FBLN5: variants seen among roughly 807,000 people sequenced by gnomAD.
The protein encoded by FBLN5 is fibulin 5, also known as fibulin-5.
FBLN5 carries 24 observed loss-of-function variants against 61.6 expected under a neutral mutation model. That is an observed-to-expected ratio of 0.39 (90% confidence interval 0.28 to 0.55). The LOEUF (loss-of-function observed/expected upper bound fraction) is 0.55. Ranked by LOEUF, FBLN5 falls within the 20% of genes least tolerant of loss-of-function variation. The pLI, the probability that FBLN5 is intolerant of heterozygous loss-of-function variation, is 0.65. For synonymous variants in FBLN5, 213 were observed against 219.8 expected (o/e 0.97, Z 0.27); for missense variants, 470 against 594.1 (o/e 0.79, Z 2.17).
intron 9 of FBLN5, among the ~76,000 whole-genome samples, chr14:91,879,571 G>A (rs200050235): frequency 2.3e-4 from 3 of 12,982 alleles, no homozygotes; most frequent in Admixed American, 1.5e-3. Context: ...AGCCACAGAC[G>A]GGGTGGCCTG....
intron 9 of FBLN5, among the ~76,000 whole-genome samples, chr14:91,878,237 T>C (rs1007595288): frequency 6.6e-5 from 10 of 152,204 alleles, no homozygotes; most frequent in African/African-American, 2.2e-4. Flanking sequence ...AGATGTGACA[T>C]TGGACATTTT....
At chr14:91,894,729 T>C (rs1359228581) in intron 5 of FBLN5, among the ~76,000 whole-genome samples, 1 of 151,984 alleles carries the variant, frequency 6.6e-6, no homozygotes, top group Non-Finnish European at 1.5e-5. Flanking sequence ...CAAAAATAAA[T>C]AAATACATTC....
intron 4 of FBLN5, among the ~76,000 whole-genome samples, chr14:91,908,823 C>T (rs147364249): frequency 7.2e-5 from 11 of 152,216 alleles, no homozygotes; most frequent in African/African-American, 2.4e-4. Flanking sequence ...CAATGGTGTA[C>T]ATAAGAGTGT....
chr14:91,919,550 G>A (rs532690230), intron 4 of FBLN5, among the ~76,000 whole-genome samples: 1 of 152,202 alleles, frequency 6.6e-6, no homozygotes, highest in Non-Finnish European at 1.5e-5. Flanking sequence ...CTAACCCCCA[G>A]TACCTCAGAA....
rs2140057257 is a variant in FBLN5, at chr14:91,943,725, G to C, written c.18-764C>G. Among the ~76,000 whole-genome samples, 1 of 152,302 alleles carries C rather than the reference G, an allele frequency of 6.6e-6. No individual in the cohort carries two copies. Among genetic ancestry groups the C allele is most frequent in the East Asian group, 1.9e-4 (1 of 5,182 alleles). On this transcript the variant is annotated intron_variant, in intron 1 of 10. Transcript: ENST00000342058. The surrounding 1 kb of genome is among the most constrained non-coding windows in gnomAD (Gnocchi z 4.0). ...GCACCAAAGAAAGGTGTCACAGGAAGTCACTGAACCAGAGCATTGAGTCCA... is the reference window on the plus strand; with the variant it reads ...GCACCAAAGAAAGGTGTCACAGGAACTCACTGAACCAGAGCATTGAGTCCA...
At chr14:91,881,194 A>G (rs1473725685) in intron 9 of FBLN5, 98 bp downstream of exon 9, 2 of 1,397,770 alleles carry the variant, frequency 1.4e-6, no homozygotes, top group Non-Finnish European at 1.0e-6. Context: ...AGGTCCCCTC[A>G]CTTCCTGGCT....
intron 4 of FBLN5, among the ~76,000 whole-genome samples, chr14:91,917,086 G>C (rs1186642155): frequency 6.6e-6 from 1 of 152,160 alleles, no homozygotes; most frequent in Non-Finnish European, 1.5e-5. Flanking sequence ...AATCTCTCTG[G>C]GTTGTTAAAC....
chr14:91,872,519 C>G (rs759217483), intron 10 of FBLN5, among the ~76,000 whole-genome samples: 2 of 152,202 alleles, frequency 1.3e-5, no homozygotes, highest in Non-Finnish European at 2.9e-5. Flanking sequence ...GATGTTTTAT[C>G]TGTCTCCATA....
intron 1 of FBLN5, among the ~76,000 whole-genome samples, chr14:91,944,516 G>A (rs1456281108): frequency 6.6e-6 from 1 of 152,224 alleles, no homozygotes; most frequent in African/African-American, 2.4e-5. Flanking sequence ...TGTGTTCATA[G>A]CAGCATTATT....
chr14:91,896,301 T>C (rs564941779), intron 4 of FBLN5, among the ~76,000 whole-genome samples: 2 of 152,324 alleles, frequency 1.3e-5, no homozygotes, highest in East Asian at 3.9e-4. Flanking sequence ...CCACGGTGCC[T>C]CCTGGATCTG....
At chr14:91,933,487 C>T (rs1267491139) in intron 4 of FBLN5, among the ~76,000 whole-genome samples, 2 of 152,006 alleles carry the variant, frequency 1.3e-5, no homozygotes, top group Non-Finnish European at 2.9e-5. Flanking sequence ...AGGCTGGTCT[C>T]GAACTCCTGA....
At chr14:91,890,041 C>T (rs542762245) in intron 6 of FBLN5, among the ~76,000 whole-genome samples, 3 of 152,320 alleles carry the variant, frequency 2.0e-5, no homozygotes, top group East Asian at 3.9e-4. Context: ...CCAGGCGCCC[C>T]CTCCTGCTCC....
chr14:91,944,791 C>T (rs2056158829), intron 1 of FBLN5, among the ~76,000 whole-genome samples: 1 of 152,108 alleles, frequency 6.6e-6, no homozygotes, highest in African/African-American at 2.4e-5. Flanking sequence ...TAACCAGGGG[C>T]TTAGTGGGAG....
intron 4 of FBLN5, among the ~76,000 whole-genome samples, chr14:91,923,998 T>A (rs1011047436): frequency 6.6e-6 from 1 of 152,222 alleles, no homozygotes; most frequent in Admixed American, 6.5e-5. Flanking sequence ...GGTTTCATAT[T>A]TCCTGCCAAA....
intron 4 of FBLN5, among the ~76,000 whole-genome samples, chr14:91,921,709 C>T (rs753133714): frequency 6.6e-6 from 1 of 152,182 alleles, no homozygotes; most frequent in Non-Finnish European, 1.5e-5. Context: ...CTGAGTAGGA[C>T]TCTCTAAGGG....
intron 4 of FBLN5, among the ~76,000 whole-genome samples, chr14:91,932,952 C>CT (rs2055951322): frequency 6.6e-6 from 1 of 152,230 alleles, no homozygotes; most frequent in South Asian, 2.1e-4. Flanking sequence ...TGCATGGCCC[C>CT]TTTGGGGCTC....
At chr14:91,902,277 G>GTTTTTTT (rs376843305) in intron 4 of FBLN5, among the ~76,000 whole-genome samples, 1 of 48,808 alleles carries the variant, frequency 2.0e-5, no homozygotes, top group African/African-American at 5.6e-5. Flanking sequence ...TTGTTTGTTT[G>GTTTTTTT]TTTGTTTTTT....
At chr14:91,925,567 G>A (rs1369748514) in intron 4 of FBLN5, among the ~76,000 whole-genome samples, 1 of 152,182 alleles carries the variant, frequency 6.6e-6, no homozygotes, top group African/African-American at 2.4e-5. Flanking sequence ...AGGAGCTGGC[G>A]CTGGCTGGTG....
intron 4 of FBLN5, among the ~76,000 whole-genome samples, chr14:91,933,520 G>A (rs1023208875): frequency 1.3e-5 from 2 of 151,998 alleles, no homozygotes; most frequent in African/African-American, 4.8e-5. Flanking sequence ...CACCCACCTC[G>A]GCCTCCCAAA....
Sources: allele counts gnomAD v4.1 joint callset (sites outside exome capture counted in the v4.1 genomes callset), GRCh38; gene constraint gnomAD v4.1.1; non-coding constraint Gnocchi (gnomAD v3.1); transcripts MANE v1.5; gene names NCBI Gene and HGNC (gene_info 2026-07-23, HGNC 2026-07-21).